FTO: variants seen among roughly 807,000 people sequenced by gnomAD.
FTO encodes FTO alpha-ketoglutarate dependent dioxygenase, also known as alpha-ketoglutarate-dependent dioxygenase FTO.
Under a neutral mutation model 63.9 loss-of-function variants are expected in FTO, and 47 were observed. That is an observed-to-expected ratio of 0.74 (90% confidence interval 0.58 to 0.94). The LOEUF (loss-of-function observed/expected upper bound fraction) is 0.94. Ranked by LOEUF, FTO falls within the 40% of genes least tolerant of loss-of-function variation. The pLI is 0.00. For synonymous variants in FTO, 207 were observed against 224.4 expected (o/e 0.92, Z 0.69); for missense variants, 562 against 618.1 (o/e 0.91, Z 0.96).
intron 2 of FTO, among the ~76,000 whole-genome samples, chr16:53,814,127 CA>C (rs2078607634): frequency 6.6e-6 from 1 of 152,188 alleles, no homozygotes; most frequent in Admixed American, 6.5e-5. Flanking sequence ...TGCTCCAATT[CA>C]AAACACCTTC....
At chr16:54,030,587 T>C (rs1307778656) in intron 8 of FTO, among the ~76,000 whole-genome samples, 1 of 152,158 alleles carries the variant, frequency 6.6e-6, no homozygotes, top group Non-Finnish European at 1.5e-5. Context: ...TCCTCTGATA[T>C]GCAATGTAGA....
intron 4 of FTO, among the ~76,000 whole-genome samples, chr16:53,868,251 G>GT (rs999109008): frequency 2.0e-5 from 3 of 151,702 alleles, no homozygotes; most frequent in African/African-American, 7.3e-5. Context: ...ATTTTGTCTT[G>GT]TTTTTTCCCC....
At chr16:53,801,647 GA>G (rs1457260942) in intron 1 of FTO, among the ~76,000 whole-genome samples, 2 of 150,618 alleles carry the variant, frequency 1.3e-5, no homozygotes, top group African/African-American at 4.9e-5. Flanking sequence ...TTGTGTGTCT[GA>G]AAAAATATTT....
At chr16:53,978,028 TA>T (rs1347404198) in intron 8 of FTO, among the ~76,000 whole-genome samples, 170 of 152,316 alleles carry the variant, frequency 1.1e-3, no homozygotes, top group Non-Finnish European at 2.2e-3. Context: ...GGCTAATTTT[TA>T]AAAAAATTTT....
In FTO at chr16:54,070,186, A is replaced by AAC. The variant is rs1207540033; in HGVS notation, c.1365-41572_1365-41571dup. ...TAGACTCATAATGAGAATTAGCCTA[A>AAC]ACACAGTCTGCAGAATGGTCATTTT... is the stretch of plus-strand genomic sequence containing the variant. On this transcript the variant is annotated intron_variant, in intron 8 of 8. Coordinates refer to ENST00000471389, the MANE Select transcript of FTO (RefSeq NM_001080432.3). The AAC allele has an allele frequency of 3.1e-4, 47 of 152,096 alleles. 1 individual carries two copies. Among genetic ancestry groups the AAC allele is most frequent in the Admixed American group, 1.3e-4 (2 of 15,266 alleles). 9.4% of individuals were successfully genotyped at this position (152,096 alleles called of 1,614,324 possible).
At chr16:53,960,057 T>C (rs1164309220) in intron 8 of FTO, among the ~76,000 whole-genome samples, 1 of 152,158 alleles carries the variant, frequency 6.6e-6, no homozygotes, top group Non-Finnish European at 1.5e-5. Context: ...TTGGGGATTT[T>C]TGAACCTGTC....
chr16:54,104,290 C>G (rs1488559909), intron 8 of FTO, among the ~76,000 whole-genome samples: 1 of 150,704 alleles, frequency 6.6e-6, no homozygotes, highest in Non-Finnish European at 1.5e-5. Context: ...TGATGTAACA[C>G]CAATGTTTTC....
At chr16:53,847,716 C>T (rs1185843833) in intron 4 of FTO, among the ~76,000 whole-genome samples, 1 of 150,334 alleles carries the variant, frequency 6.7e-6, no homozygotes, top group African/African-American at 2.5e-5. Flanking sequence ...TGCAATGAGC[C>T]GAGATCACGC....
intron 8 of FTO, among the ~76,000 whole-genome samples, chr16:54,093,812 C>T (rs889835190): frequency 2.0e-5 from 3 of 152,200 alleles, no homozygotes; most frequent in African/African-American, 7.2e-5. Context: ...GCCCCCATCT[C>T]TACCAGGCAC....
intron 8 of FTO, among the ~76,000 whole-genome samples, chr16:54,111,048 T>G (rs1419857505): frequency 6.6e-6 from 1 of 152,212 alleles, no homozygotes; most frequent in Non-Finnish European, 1.5e-5. Flanking sequence ...TAGCTTCATA[T>G]GATAATTAAT....
chr16:54,033,798 C>T (rs1290938532), intron 8 of FTO, among the ~76,000 whole-genome samples: 2 of 152,114 alleles, frequency 1.3e-5, no homozygotes, highest in Non-Finnish European at 1.5e-5. Context: ...GCTGGGCCAC[C>T]GAGCAAGACC....
At chr16:54,007,607 C>T (rs1380891760) in intron 8 of FTO, among the ~76,000 whole-genome samples, 1 of 152,230 alleles carries the variant, frequency 6.6e-6, no homozygotes, top group Non-Finnish European at 1.5e-5. Context: ...GCCTGCAGTG[C>T]CCATGCATAC....
intron 8 of FTO, among the ~76,000 whole-genome samples, chr16:54,009,346 T>C (rs1298800524): frequency 2.0e-5 from 3 of 152,208 alleles, no homozygotes; most frequent in African/African-American, 7.2e-5. Context: ...TTTAAAATGA[T>C]AATCTAAATT....
chr16:54,056,275 A>G (rs1327154141), intron 8 of FTO, among the ~76,000 whole-genome samples: 2 of 152,162 alleles, frequency 1.3e-5, no homozygotes, highest in Non-Finnish European at 2.9e-5. Context: ...TTAATACTCA[A>G]CTTTCCTGTA....
rs545395963 is a variant in FTO at position 53,833,700 on chromosome 16, T to C, written c.751+7209T>C. ...AACTGTTTTATATTCTCGCTGGCAA[T>C]GCGCAAGGGCTCTAATTTCTCCACA... On this transcript the variant is annotated intron_variant, in intron 3 of 8. Coordinates refer to ENST00000471389, the MANE Select transcript of FTO (RefSeq NM_001080432.3). Among the ~76,000 whole-genome samples the C allele has an allele frequency of 6.6e-5, 10 of 152,354 alleles. No individual in the cohort carries two copies. The South Asian group carries it at 1.2e-3, about 19-fold the overall frequency.
chr16:53,757,886 G>A (rs11643744), intron 1 of FTO, among the ~76,000 whole-genome samples: 109,866 of 152,156 alleles, frequency 0.72, 40,815 homozygotes, highest in African/African-American at 0.89. Flanking sequence ...AGTGCTATCT[G>A]TTTTCTGGGG....
chr16:53,795,248 A>G (rs2078030849), intron 1 of FTO, among the ~76,000 whole-genome samples: 1 of 152,238 alleles, frequency 6.6e-6, no homozygotes, highest in Admixed American at 6.5e-5. Context: ...AGAGAATACT[A>G]AGGAATTCAT....
chr16:54,040,431 C>T (rs2085043607), intron 8 of FTO: 1 of 152,164 alleles, frequency 6.6e-6, no homozygotes, highest in South Asian at 2.1e-4. Context: ...AACTTTTAAG[C>T]ACATAGAGAA....
chr16:53,768,432 C>T (rs776528756), intron 1 of FTO, among the ~76,000 whole-genome samples: 4 of 152,126 alleles, frequency 2.6e-5, no homozygotes, highest in Non-Finnish European at 4.4e-5. Context: ...CTGGTCAATT[C>T]GGCCTCCAGG....
Sources: allele counts gnomAD v4.1 joint callset (sites outside exome capture counted in the v4.1 genomes callset), GRCh38; gene constraint gnomAD v4.1.1; transcripts MANE v1.5; gene names NCBI Gene and HGNC (gene_info 2026-07-23, HGNC 2026-07-21).